ETV6: variants seen among roughly 807,000 people sequenced by gnomAD.
ETV6 encodes transcription factor ETV6.
A neutral mutation model predicts 51.1 loss-of-function variants in ETV6; 16 were observed. The ratio of observed to expected loss-of-function variants is 0.31; its 90% CI spans 0.21 to 0.48. ETV6 has a LOEUF of 0.48. Among genes scored for constraint, ETV6 ranks in the 20% least tolerant of loss-of-function variants. The pLI, the probability that ETV6 is intolerant of heterozygous loss-of-function variation, is 0.99. For missense variants in ETV6, 458 were observed against 594.8 expected (o/e 0.77, Z 2.39); for synonymous variants, 240 against 224.1 (o/e 1.07, Z -0.64).
chr12:11,694,473 C>G (rs1218848628), intron 1 of ETV6, among the ~76,000 whole-genome samples: 1 of 152,218 alleles, frequency 6.6e-6, no homozygotes, highest in South Asian at 2.1e-4. Flanking sequence ...ACCAAATGTA[C>G]TGTCTTCTGT....
rs2136629603 is a variant in ETV6 at position 11,895,119 on chromosome 12, C to T, written c.*4073C>T. On this transcript the variant is annotated 3_prime_UTR_variant, in exon 8 of 8. Transcript: ENST00000396373. ...AGCTGCAGACCCCCTGAATCTTTCA[C>T]ACATGCCAAGTGAACATTCTTGATG... 1 of 232,406 alleles carries T rather than the reference C, an allele frequency of 4.3e-6. No individual in the cohort carries two copies. The highest frequency in any genetic ancestry group is 8.5e-6 in the Non-Finnish European group (1 of 117,200). 14.4% of individuals were successfully genotyped at this position (232,406 alleles called of 1,614,324 possible).
intron 2 of ETV6, among the ~76,000 whole-genome samples, chr12:11,832,545 G>T (rs149559989): frequency 4.6e-5 from 7 of 152,276 alleles, no homozygotes; most frequent in South Asian, 2.1e-4. Flanking sequence ...ATGTGGGTAC[G>T]AAATAAAACA....
chr12:11,754,565 G>C (rs1373524359), intron 2 of ETV6, among the ~76,000 whole-genome samples: 1 of 152,200 alleles, frequency 6.6e-6, no homozygotes, highest in Non-Finnish European at 1.5e-5. Flanking sequence ...TTCGACTGTG[G>C]GTAATTTAAC....
intron 1 of ETV6, among the ~76,000 whole-genome samples, chr12:11,740,607 A>T (rs961790617): frequency 2.0e-5 from 3 of 152,238 alleles, no homozygotes; most frequent in Non-Finnish European, 4.4e-5. Flanking sequence ...GTCTAAAGGA[A>T]GGATAGATAG....
At chr12:11,744,594 C>T (rs1438122683) in intron 1 of ETV6, among the ~76,000 whole-genome samples, 1 of 152,214 alleles carries the variant, frequency 6.6e-6, no homozygotes, top group Non-Finnish European at 1.5e-5. Flanking sequence ...GTAGGACATG[C>T]ACTTTTATGG....
intron 2 of ETV6, among the ~76,000 whole-genome samples, chr12:11,827,952 A>G (rs776697060): frequency 1.3e-5 from 2 of 152,188 alleles, no homozygotes; most frequent in African/African-American, 2.4e-5. Flanking sequence ...TCTGTACCCC[A>G]TCCATTTCTG....
At chr12:11,813,506 G>A (rs1176291897) in intron 2 of ETV6, among the ~76,000 whole-genome samples, 3 of 152,200 alleles carry the variant, frequency 2.0e-5, no homozygotes, top group Admixed American at 2.0e-4. Context: ...AGACAACAGA[G>A]TAGATTTCAT....
intron 4 of ETV6, among the ~76,000 whole-genome samples, chr12:11,868,520 C>T (rs1946825455): frequency 1.3e-5 from 2 of 150,600 alleles, no homozygotes; most frequent in South Asian, 4.2e-4. Context: ...TCGCTGCAAC[C>T]TCCACCTCCT....
At chr12:11,889,980 C>G (rs1947262298) in intron 7 of ETV6, among the ~76,000 whole-genome samples, 5 of 152,078 alleles carry the variant, frequency 3.3e-5, no homozygotes. Flanking sequence ...AAATTATGGT[C>G]AAAACATGTC....
intron 2 of ETV6, among the ~76,000 whole-genome samples, chr12:11,790,525 A>G: frequency 6.6e-6 from 1 of 151,960 alleles, no homozygotes. Context: ...GCCATCCTGG[A>G]GGGTAGATTC....
intron 1 of ETV6, among the ~76,000 whole-genome samples, chr12:11,658,378 G>T (rs2120629261): frequency 6.6e-6 from 1 of 152,336 alleles, no homozygotes; most frequent in Admixed American, 6.5e-5. Context: ...TGGGATTACA[G>T]CTGTGCACCA....
chr12:11,890,871 G>A (rs1947276030), intron 7 of ETV6, 70 bp from the exon 8 acceptor site: 4 of 1,154,300 alleles, frequency 3.5e-6, no homozygotes, highest in Admixed American at 3.4e-5. Flanking sequence ...TTATATACAG[G>A]CTAGAGTTCA....
intron 1 of ETV6, among the ~76,000 whole-genome samples, chr12:11,752,026 G>A (rs1866039739): frequency 6.6e-6 from 1 of 152,152 alleles, no homozygotes; most frequent in Admixed American, 6.5e-5. Flanking sequence ...TTAGAAGCTG[G>A]GGATATTGCT....
chr12:11,694,868 G>A (rs981275605), intron 1 of ETV6, among the ~76,000 whole-genome samples: 1 of 152,114 alleles, frequency 6.6e-6, no homozygotes, highest in Non-Finnish European at 1.5e-5. Flanking sequence ...GAGAGAATTT[G>A]GTTCAACATG....
chr12:11,812,438 C>A (rs1945927010), intron 2 of ETV6, among the ~76,000 whole-genome samples: 1 of 152,134 alleles, frequency 6.6e-6, no homozygotes, highest in African/African-American at 2.4e-5. Context: ...GCAGTAAAAC[C>A]CCTTTAGCTC....
intron 2 of ETV6, among the ~76,000 whole-genome samples, chr12:11,789,269 C>T (rs149492111): frequency 0.073 from 11,072 of 152,070 alleles, 1,312 homozygotes; most frequent in African/African-American, 0.25. Context: ...CCTGACCTCA[C>T]GATTCGCCCG....
chr12:11,850,845 C>G (rs1591719226), intron 3 of ETV6, among the ~76,000 whole-genome samples: 2 of 152,230 alleles, frequency 1.3e-5, no homozygotes, highest in Non-Finnish European at 2.9e-5. Flanking sequence ...GAAAAGTCAC[C>G]TGCCTGCTCT....
At chr12:11,790,515 G>A (rs1303706964) in intron 2 of ETV6, among the ~76,000 whole-genome samples, 5 of 152,024 alleles carry the variant, frequency 3.3e-5, no homozygotes, top group Non-Finnish European at 5.9e-5. Flanking sequence ...TCTTCTAGTA[G>A]CCATCCTGGA....
At chr12:11,825,622 T>A (rs766416793) in intron 2 of ETV6, 5 of 152,208 alleles carry the variant, frequency 3.3e-5, no homozygotes, top group Non-Finnish European at 7.3e-5. Context: ...AGAGCCATTC[T>A]CAAATTAGGT....
Sources: gnomAD v4.1 joint callset for allele counts (sites outside exome capture counted in the v4.1 genomes callset) on GRCh38, gnomAD v4.1.1 for gene constraint, MANE v1.5 for transcripts, NCBI Gene and HGNC (gene_info 2026-07-23, HGNC 2026-07-21) for gene names.